Variants in KAT2B observed in about 807,000 individuals in gnomAD.
KAT2B encodes the protein lysine acetyltransferase 2B.
In KAT2B, 36 loss-of-function variants were observed where a neutral mutation model predicts 105.9. The observed-to-expected ratio is 0.34, with a 90% confidence interval of 0.26 to 0.45. The LOEUF is 0.45. Ranked by LOEUF, KAT2B falls within the 20% of genes least tolerant of loss-of-function variation. KAT2B has a pLI of 1.00. For missense variants in KAT2B, 820 were observed against 1,021.6 expected (o/e 0.80, Z 2.69); for synonymous variants, 397 against 377.9 (o/e 1.05, Z -0.59).
chr3:20,098,542 A>C (rs1698853008), intron 3 of KAT2B, among the ~76,000 whole-genome samples: 2 of 152,158 alleles, frequency 1.3e-5, no homozygotes, highest in Non-Finnish European at 2.9e-5. Flanking sequence ...TTATATGCAC[A>C]CTTATCCCAG....
intron 1 of KAT2B, among the ~76,000 whole-genome samples, chr3:20,053,408 G>A (rs1474833996): frequency 3.3e-5 from 5 of 151,968 alleles, no homozygotes; most frequent in Non-Finnish European, 1.5e-5. Context: ...GGTGGCACAT[G>A]TCTGTAGTCC....
intron 3 of KAT2B, among the ~76,000 whole-genome samples, chr3:20,098,345 A>G (rs1309684549): frequency 6.6e-6 from 1 of 152,146 alleles, no homozygotes; most frequent in Non-Finnish European, 1.5e-5. Flanking sequence ...GAGTCTAACT[A>G]CCTGGGTTTA....
intron 1 of KAT2B, among the ~76,000 whole-genome samples, chr3:20,041,710 C>T (rs979779239): frequency 6.6e-6 from 1 of 152,092 alleles, no homozygotes; most frequent in African/African-American, 2.4e-5. Context: ...TCAGCTCCTG[C>T]GGCCTGTGGC....
intron 2 of KAT2B, among the ~76,000 whole-genome samples, 175 bp from the exon 3 acceptor site, chr3:20,095,088 A>G (rs1698785485): frequency 6.6e-6 from 1 of 152,220 alleles, no homozygotes. Context: ...TCTTAATTAT[A>G]GGTAGATTTT....
intron 2 of KAT2B, among the ~76,000 whole-genome samples, chr3:20,082,628 C>G (rs919099379): frequency 1.3e-5 from 2 of 152,118 alleles, no homozygotes; most frequent in Non-Finnish European, 2.9e-5. Context: ...TAAAAACAAA[C>G]TCTTTAAAGA....
chr3:20,059,399 A>AGAGC, intron 1 of KAT2B, among the ~76,000 whole-genome samples: 1 of 117,170 alleles, frequency 8.5e-6, no homozygotes, highest in Non-Finnish European at 1.7e-5. Flanking sequence ...CCTGGGCGAC[A>AGAGC]GAGACTCTGT....
chr3:20,118,239 A>G (rs1258766872), intron 7 of KAT2B, among the ~76,000 whole-genome samples: 1 of 146,456 alleles, frequency 6.8e-6, no homozygotes, highest in Non-Finnish European at 1.5e-5. Context: ...ATGTAAATAT[A>G]TTTACATTTT....
At chr3:20,149,279 GT>G (rs1352938814) in intron 17 of KAT2B, among the ~76,000 whole-genome samples, 1 of 151,830 alleles carries the variant, frequency 6.6e-6, no homozygotes, top group Non-Finnish European at 1.5e-5. Flanking sequence ...TCTATTCCAG[GT>G]GCTAAGAACT....
At chr3:20,055,143 A>G (rs1697984355) in intron 1 of KAT2B, among the ~76,000 whole-genome samples, 1 of 152,054 alleles carries the variant, frequency 6.6e-6, no homozygotes, top group South Asian at 2.1e-4. Flanking sequence ...AGTAGTTTAG[A>G]ACATGGACCT....
intron 1 of KAT2B, among the ~76,000 whole-genome samples, chr3:20,049,365 T>A (rs1297992160): frequency 6.6e-6 from 1 of 152,260 alleles, no homozygotes; most frequent in East Asian, 1.9e-4. Flanking sequence ...CAAAGTGTTA[T>A]GTCTCACGAC....
At chr3:20,047,890 A>G (rs993601096) in intron 1 of KAT2B, among the ~76,000 whole-genome samples, 9 of 152,186 alleles carry the variant, frequency 5.9e-5, no homozygotes, top group African/African-American at 1.9e-4. Flanking sequence ...TGCTGGGATT[A>G]CAGGCATGAG....
chr3:20,079,443 A>G (rs2125186143), intron 2 of KAT2B, among the ~76,000 whole-genome samples: 1 of 152,134 alleles, frequency 6.6e-6, no homozygotes, highest in Admixed American at 6.5e-5. Context: ...ACCTCAGGTA[A>G]TCTGCCCGCT....
intron 2 of KAT2B, among the ~76,000 whole-genome samples, chr3:20,088,754 C>A (rs1019677596): frequency 6.6e-6 from 1 of 152,088 alleles, no homozygotes; most frequent in Non-Finnish European, 1.5e-5. Flanking sequence ...TTGATGCAAT[C>A]CAGTTTGTCT....
intron 17 of KAT2B, among the ~76,000 whole-genome samples, chr3:20,149,638 T>C (rs1699838074): frequency 6.6e-6 from 1 of 152,014 alleles, no homozygotes; most frequent in African/African-American, 2.4e-5. Flanking sequence ...GAATATTTTA[T>C]ATATTTGTAG....
At chr3:20,127,275 G>C in intron 10 of KAT2B, 148 bp from the exon 11 acceptor site, 2 of 689,724 alleles carry the variant, frequency 2.9e-6, no homozygotes, top group South Asian at 3.7e-5. Context: ...TAAAAGGATG[G>C]TCTAGCGAGA....
At position 20,153,057 on chromosome 3, in the gene KAT2B, T is replaced by C. The variant is rs551842867; in HGVS notation, c.*532T>C. 6.6e-6 allele frequency: 1 copy of C among 152,574 alleles called. No individual in the cohort carries two copies. Among genetic ancestry groups the C allele is most frequent in the African/African-American group, 2.4e-5 (1 of 41,454 alleles). The allele number at this position is 152,574 out of a possible 1,614,324, so 9.5% of individuals were successfully genotyped here. ...TTATATATATTTTTTAAAACACTCA[T>C]CTAGATGAGGTGCTTTGAGCAGTTC... On this transcript the variant is annotated 3_prime_UTR_variant, in exon 18 of 18. Coordinates refer to ENST00000263754, the MANE Select transcript of KAT2B (RefSeq NM_003884.5).
chr3:20,068,430 CA>C (rs1698263048), intron 1 of KAT2B, among the ~76,000 whole-genome samples: 1 of 150,140 alleles, frequency 6.7e-6, no homozygotes, highest in Admixed American at 6.7e-5. Context: ...ACCTAATGAC[CA>C]ACTCCCACCT....
chr3:20,098,473 A>G (rs1440373101), intron 3 of KAT2B, among the ~76,000 whole-genome samples: 1 of 152,184 alleles, frequency 6.6e-6, no homozygotes, highest in Non-Finnish European at 1.5e-5. Context: ...GTGAAGAACC[A>G]TGAAGATTGT....
At chr3:20,104,574 G>C (rs1417315138) in intron 5 of KAT2B, among the ~76,000 whole-genome samples, 2 of 152,142 alleles carry the variant, frequency 1.3e-5, no homozygotes, top group East Asian at 3.9e-4. Context: ...GCACCAGCAG[G>C]CTTTATCTTG....
Sources: allele counts gnomAD v4.1 joint callset (sites outside exome capture counted in the v4.1 genomes callset), GRCh38; gene constraint gnomAD v4.1.1; transcripts MANE v1.5; gene names NCBI Gene and HGNC (gene_info 2026-07-23, HGNC 2026-07-21).